The following MRTFB variants were observed in gnomAD, a reference collection of about 807,000 sequenced individuals.
MRTFB encodes the protein myocardin-related transcription factor B.
A neutral mutation model predicts 104.2 loss-of-function variants in MRTFB; 29 were observed. The observed-to-expected ratio is 0.28, with a 90% CI of 0.21 to 0.38. The LOEUF is 0.38. Among genes scored for constraint, MRTFB ranks in the 10% least tolerant of loss-of-function variants. The pLI, the probability that MRTFB is intolerant of heterozygous loss-of-function variation, is 1.00. For missense variants in MRTFB, 1,270 were observed against 1,341.6 expected, an observed-to-expected ratio of 0.95 and a Z score of 0.83; for synonymous variants, 535 against 519.5, an observed-to-expected ratio of 1.03 and a Z score of -0.41.
At chr16:14,222,139 C>G (rs1321942572) in intron 8 of MRTFB, among the ~76,000 whole-genome samples, 1 of 152,082 alleles carries the variant, frequency 6.6e-6, no homozygotes, top group East Asian at 1.9e-4. Flanking sequence ...GGGGTAACAT[C>G]AAATTTCTAT....
chr16:14,244,774 C>G (rs2042942737), intron 10 of MRTFB, among the ~76,000 whole-genome samples: 1 of 152,154 alleles, frequency 6.6e-6, no homozygotes. Context: ...ATTTTAAAGA[C>G]CTTTTTATAT....
chr16:14,131,463 T>C lies in MRTFB; in HGVS notation c.-63-9081T>C, dbSNP rs368402261. ...GAAAAAAATAGAAAAATTTGACTTATTCAAAATTAAATTTTTTTTGTCTGT... is the reference window on the plus strand; with the variant it reads ...GAAAAAAATAGAAAAATTTGACTTACTCAAAATTAAATTTTTTTTGTCTGT... On this transcript the variant is annotated intron_variant, in intron 2 of 16. Coordinates refer to ENST00000571589, the MANE Select transcript of MRTFB (RefSeq NM_001308142.2). Among the ~76,000 whole-genome samples, 8 of 152,290 alleles carry C rather than the reference T, an allele frequency of 5.3e-5. No homozygotes were observed. In the South Asian group the frequency reaches 6.2e-4, roughly 12 times the overall value.
intron 15 of MRTFB, among the ~76,000 whole-genome samples, chr16:14,254,873 G>A (rs951434810): frequency 2.6e-5 from 4 of 152,164 alleles, no homozygotes; most frequent in African/African-American, 4.8e-5. Context: ...TAGAACTTGC[G>A]GGCAAGGTTT....
intron 8 of MRTFB, among the ~76,000 whole-genome samples, chr16:14,229,495 A>G (rs2042163338): frequency 6.6e-6 from 1 of 152,242 alleles, no homozygotes; most frequent in South Asian, 2.1e-4. Context: ...TTGTTTTTAA[A>G]TACCTAGTTT....
rs1420731673 is a variant in MRTFB at position 14,240,495 on chromosome 16, G to T, written c.1079+11G>T. 1 of 1,614,216 alleles carries T rather than the reference G, an allele frequency of 6.2e-7. No individual in the cohort carries two copies. The highest frequency in any genetic ancestry group is 8.5e-7 in the Non-Finnish European group (1 of 1,180,044). The stretch of plus-strand genomic sequence containing the variant: ...GCCTGCACCATTCAAGTACGGCGGG[G>T]CCCATGCTATCCTCAACGCGGGGTT... On this transcript the variant is annotated intron_variant, in intron 10 of 16. Transcript: ENST00000571589.
At chr16:14,118,724 C>CAT (rs143381749) in intron 2 of MRTFB, among the ~76,000 whole-genome samples, 18,148 of 150,596 alleles carry the variant, frequency 0.12, 1,463 homozygotes, top group East Asian at 0.28. Context: ...TAAGTATTTA[C>CAT]ATATATATAT....
chr16:14,027,849 C>CA, the MRTFB span, among the ~76,000 whole-genome samples: 1 of 152,188 alleles, frequency 6.6e-6, no homozygotes, highest in African/African-American at 2.4e-5. Context: ...GTTTCTCCAG[C>CA]AACTTACCAT....
intron 2 of MRTFB, among the ~76,000 whole-genome samples, chr16:14,096,554 G>A (rs1181955262): frequency 6.6e-6 from 1 of 152,158 alleles, no homozygotes; most frequent in East Asian, 1.9e-4. Context: ...GATAATAAAA[G>A]GTTTTCAAAT....
intron 2 of MRTFB, among the ~76,000 whole-genome samples, chr16:14,114,449 C>G (rs1272784485): frequency 6.6e-6 from 1 of 152,180 alleles, no homozygotes; most frequent in Non-Finnish European, 1.5e-5. Flanking sequence ...CACATTTATT[C>G]TATTTTTAGG....
At chr16:14,102,260 G>A (rs1242706855) in intron 2 of MRTFB, among the ~76,000 whole-genome samples, 1 of 152,170 alleles carries the variant, frequency 6.6e-6, no homozygotes, top group South Asian at 2.1e-4. Context: ...CAGCAAGTGG[G>A]CTAAGCAGCT....
At chr16:14,161,218 A>G (rs2039025593) in intron 3 of MRTFB, among the ~76,000 whole-genome samples, 1 of 151,468 alleles carries the variant, frequency 6.6e-6, no homozygotes, top group Non-Finnish European at 1.5e-5. Context: ...AAGTAGGTGA[A>G]CAAAGCCAGA....
intron 2 of MRTFB, among the ~76,000 whole-genome samples, chr16:14,120,524 G>A (rs988620745): frequency 6.6e-6 from 1 of 152,052 alleles, no homozygotes; most frequent in Non-Finnish European, 1.5e-5. Context: ...GCACAAGCCA[G>A]TGTCACTGAT....
At chr16:14,232,579 A>G (rs757961902) in intron 8 of MRTFB, among the ~76,000 whole-genome samples, 38 of 152,200 alleles carry the variant, frequency 2.5e-4, no homozygotes, top group Non-Finnish European at 4.0e-4. Flanking sequence ...CATATTGTCA[A>G]CACTCACAGT....
intron 15 of MRTFB, among the ~76,000 whole-genome samples, 189 bp from the exon 16 acceptor site, chr16:14,257,912 C>G (rs1394416541): frequency 1.3e-5 from 2 of 152,210 alleles, no homozygotes; most frequent in Non-Finnish European, 2.9e-5. Flanking sequence ...TAGCCCTGTT[C>G]TTGCTGTGTC....
At position 14,266,710 on chromosome 16, in the gene MRTFB, G is replaced by A. The variant is rs965906908; in HGVS notation, c.*5266G>A. ...ATAGTGGCAGTATTGTAGCTGATCG[G>A]GAAATGTTTGATATCTCAGCAATTT... is the stretch of plus-strand genomic sequence containing the variant. On this transcript the variant is annotated 3_prime_UTR_variant, in exon 17 of 17. Coordinates refer to ENST00000571589, the MANE Select transcript of MRTFB (RefSeq NM_001308142.2). 1.3e-5 allele frequency: 2 copies of A among 152,122 alleles called. No homozygotes were observed. The highest frequency in any genetic ancestry group is 4.8e-5 in the African/African-American group (2 of 41,412). 9.4% of individuals were successfully genotyped at this position (152,122 alleles called of 1,614,324 possible).
intron 2 of MRTFB, among the ~76,000 whole-genome samples, chr16:14,136,854 C>T (rs2037747589): frequency 1.3e-5 from 2 of 152,010 alleles, no homozygotes; most frequent in South Asian, 4.2e-4. Context: ...GTTGATCTTA[C>T]AGTATTATGC....
rs1303480125 is a variant in MRTFB at position 14,252,437 on chromosome 16, A to G, written c.2638A>G (p.Lys880Glu). Residue 880 changes from lysine (K) to glutamate (E), a missense_variant, in exon 15 of 17, where the codon AAA (lysine) becomes GAA (glutamate). By Grantham distance (56) the Lys-to-Glu change is moderately conservative. Coordinates refer to ENST00000571589, the MANE Select transcript of MRTFB (RefSeq NM_001308142.2). Reference protein sequence around the residue: ...SLFGSPVAKTKDPPRYEEAIK... With the variant: ...SLFGSPVAKTEDPPRYEEAIK... ...ATTTGGGAGTCCAGTCGCCAAGACA[A>G]AAGATCCCCCCCGCTATGAGGAGGC... 3.1e-6 allele frequency: 5 copies of G among 1,613,648 alleles called. No homozygotes were observed. The highest frequency in any genetic ancestry group is 2.2e-5 in the East Asian group (1 of 44,824).
At chr16:14,011,130 A>G in the MRTFB span, among the ~76,000 whole-genome samples, 1 of 152,138 alleles carries the variant, frequency 6.6e-6, no homozygotes, top group South Asian at 2.1e-4. Context: ...TGGTTTTCCC[A>G]TTGTTGAGAA....
At chr16:14,122,081 C>T (rs913474503) in intron 2 of MRTFB, among the ~76,000 whole-genome samples, 4 of 152,068 alleles carry the variant, frequency 2.6e-5, no homozygotes, top group African/African-American at 7.2e-5. Flanking sequence ...ATGCAGCCTG[C>T]CAGGCTGCCT....
Sources: gnomAD v4.1 joint callset for allele counts (sites outside exome capture counted in the v4.1 genomes callset) on GRCh38, gnomAD v4.1.1 for gene constraint, MANE v1.5 for transcripts, NCBI Gene and HGNC (gene_info 2026-07-23, HGNC 2026-07-21) for gene names.